WDFY4: variants seen among roughly 807,000 people sequenced by gnomAD.
WDFY4 encodes WD repeat- and FYVE domain-containing protein 4.
WDFY4 carries 169 observed loss-of-function variants against 351.9 expected under a neutral mutation model. That is an observed-to-expected ratio of 0.48 (90% CI 0.42 to 0.55). The LOEUF is 0.55. Ranked by LOEUF, WDFY4 falls within the 20% of genes least tolerant of loss-of-function variation. WDFY4 has a pLI of 0.00. For synonymous variants in WDFY4, 1,622 were observed against 1,574.6 expected, an observed-to-expected ratio of 1.03 and a Z score of -0.71; for missense variants, 3,803 against 3,935.6, an observed-to-expected ratio of 0.97 and a Z score of 0.90.
intron 34 of WDFY4, among the ~76,000 whole-genome samples, chr10:48,821,388 T>A (rs1334547430): frequency 6.6e-6 from 1 of 152,232 alleles, no homozygotes; most frequent in Non-Finnish European, 1.5e-5. Flanking sequence ...ACCCTTGTCA[T>A]GCTGTGCCAC....
chr10:48,867,645 C>G (rs114343143), intron 40 of WDFY4, among the ~76,000 whole-genome samples: 2,460 of 152,288 alleles, frequency 0.016, 69 homozygotes, highest in African/African-American at 0.054. Flanking sequence ...GTCTGAGCCT[C>G]TGTGTGCTCA....
At chr10:48,868,802 A>G (rs1027651879) in intron 40 of WDFY4, among the ~76,000 whole-genome samples, 2 of 152,136 alleles carry the variant, frequency 1.3e-5, no homozygotes, top group Admixed American at 6.5e-5. Flanking sequence ...AGCCTGGGAG[A>G]TACAGTTATG....
intron 13 of WDFY4, among the ~76,000 whole-genome samples, chr10:48,762,583 C>T (rs1008449222): frequency 6.6e-6 from 1 of 152,210 alleles, no homozygotes; most frequent in Non-Finnish European, 1.5e-5. Flanking sequence ...TGGGGTTGAA[C>T]CTCCCAGGAT....
At chr10:48,686,561 G>A (rs893865591) in intron 1 of WDFY4, among the ~76,000 whole-genome samples, 3 of 151,894 alleles carry the variant, frequency 2.0e-5, no homozygotes, top group Non-Finnish European at 2.9e-5. Context: ...TATTTAAATC[G>A]CTATATATGT....
intron 13 of WDFY4, among the ~76,000 whole-genome samples, chr10:48,769,895 T>C (rs1420741348): frequency 6.6e-6 from 1 of 152,260 alleles, no homozygotes; most frequent in Non-Finnish European, 1.5e-5. Context: ...CACTCTGTGC[T>C]AATTTGCCTT....
In WDFY4 at chr10:48,720,025, C is replaced by T. The variant is rs1037398142; in HGVS notation, c.249C>T (p.Ser83=). 1.5e-5 allele frequency: 23 copies of T among 1,551,584 alleles called. No homozygotes were observed. Among genetic ancestry groups the T allele is most frequent in the African/African-American group, 9.6e-5 (7 of 73,036 alleles). ...LPLFLKAWEH[S]VGIICFPSLQ... ...TGTTGCTTCAGGCCTGGGAACACTCCGTGGGGATCATCTGCTTTCCCAGTC... is the reference window on the plus strand; with the variant it reads ...TGTTGCTTCAGGCCTGGGAACACTCTGTGGGGATCATCTGCTTTCCCAGTC... The change falls in exon 3 of 62, where the codon TCC becomes TCT. Residue 83 remains serine (S), a synonymous_variant. Coordinates refer to ENST00000325239, the MANE Select transcript of WDFY4 (RefSeq NM_001394531.1).
rs552674378 is a variant in WDFY4, at chr10:48,818,293, G to A, written c.5505+884G>A. On this transcript the variant is annotated intron_variant, in intron 32 of 61. Transcript: ENST00000325239. Reference sequence around the variant, plus strand: ...GGGGGGTTTATAATCCATGCCAAGTGTGATGCCAGGCCTGGAGTGGTTGCT... The same window carrying A: ...GGGGGGTTTATAATCCATGCCAAGTATGATGCCAGGCCTGGAGTGGTTGCT... 3.3e-5 allele frequency among the ~76,000 whole-genome samples: 5 copies of A among 152,340 alleles called. No homozygotes were observed. The East Asian group carries it at 5.8e-4, about 18-fold the overall frequency.
At chr10:48,689,780 A>G (rs1192302648) in intron 1 of WDFY4, among the ~76,000 whole-genome samples, 1 of 152,244 alleles carries the variant, frequency 6.6e-6, no homozygotes, top group African/African-American at 2.4e-5. Context: ...GAGAAAGAAA[A>G]TATACAAGCT....
At chr10:48,879,512 G>T (rs1173263635) in intron 43 of WDFY4, among the ~76,000 whole-genome samples, 1 of 152,170 alleles carries the variant, frequency 6.6e-6, no homozygotes, top group Non-Finnish European at 1.5e-5. Flanking sequence ...TTCTATCTCT[G>T]CCAGAAGAAA....
chr10:48,813,150 C>A (rs1452197191), intron 30 of WDFY4, among the ~76,000 whole-genome samples: 1 of 152,132 alleles, frequency 6.6e-6, no homozygotes, highest in Non-Finnish European at 1.5e-5. Flanking sequence ...GAAACTATTT[C>A]TTGGTCTCAA....
chr10:48,725,872 A>G lies in WDFY4; in HGVS notation c.592-9A>G, dbSNP rs376624978. The G allele has an allele frequency of 2.0e-6, 3 of 1,533,016 alleles. No homozygotes were observed. The highest frequency in any genetic ancestry group is 2.7e-6 in the Non-Finnish European group (3 of 1,132,020). The allele number at this position is 1,533,016 out of a possible 1,614,324, so 95.0% of individuals were successfully genotyped here. ...GGTCTCCTTGACTGTTTATCTTCTT[A>G]TTTTTCAGATGTTGCTCAATATTTG... On this transcript the variant is annotated splice_polypyrimidine_tract_variant and intron_variant, in intron 5 of 61. Transcript: ENST00000325239.
chr10:48,936,500 A>G (rs1046650957), intron 47 of WDFY4, among the ~76,000 whole-genome samples: 8 of 152,214 alleles, frequency 5.3e-5, no homozygotes. Context: ...AATATACAAG[A>G]TAAATACATT....
rs1397236833 is a variant in WDFY4 at position 48,803,263 on chromosome 10, A to C, written c.4411-23A>C. 3.2e-6 allele frequency: 5 copies of C among 1,550,930 alleles called. No individual in the cohort carries two copies. The East Asian group carries it at 9.8e-5, about 30-fold the overall frequency. On this transcript the variant is annotated intron_variant, in intron 24 of 61. Transcript: ENST00000325239. Reference sequence around the variant, plus strand: ...TCTTCTCCCACACCTTCATTTTAGCATGTGTTTTGTTTTGTCTTCCAGCTC... The same window carrying C: ...TCTTCTCCCACACCTTCATTTTAGCCTGTGTTTTGTTTTGTCTTCCAGCTC...
At chr10:48,981,229 A>G in intron 60 of WDFY4, 138 bp from the exon 61 acceptor site, 1 of 713,610 alleles carries the variant, frequency 1.4e-6, no homozygotes, top group Non-Finnish European at 2.3e-6. Context: ...GATTAAATAT[A>G]TTTCCCCCTC....
rs144614348 is a variant in WDFY4 at position 48,861,001 on chromosome 10, G to C, written c.6664-6264G>C. ...TGTGTTGTCTTGTTGGGTGAAGTTG[G>C]CTACCAATGTGGGTTACTTGAACAT... On this transcript the variant is annotated intron_variant, in intron 39 of 61. Coordinates refer to ENST00000325239, the MANE Select transcript of WDFY4 (RefSeq NM_001394531.1). 4.7e-3 allele frequency among the ~76,000 whole-genome samples: 709 copies of C among 152,080 alleles called. 4 individuals are homozygous for C. The highest frequency in any genetic ancestry group is 0.016 in the African/African-American group (670 of 41,508).
intron 13 of WDFY4, among the ~76,000 whole-genome samples, chr10:48,774,082 T>C (rs1408054618): frequency 6.6e-6 from 1 of 152,224 alleles, no homozygotes; most frequent in Non-Finnish European, 1.5e-5. Context: ...TTATGTGACA[T>C]CTTCAGACTT....
intron 12 of WDFY4, among the ~76,000 whole-genome samples, chr10:48,750,498 T>C (rs996094586): frequency 6.6e-6 from 1 of 152,362 alleles, no homozygotes; most frequent in East Asian, 1.9e-4. Flanking sequence ...TATGCTTTTG[T>C]CTAGGTTTAG....
chr10:48,858,071 G>T (rs548688332), intron 39 of WDFY4, among the ~76,000 whole-genome samples: 1 of 152,302 alleles, frequency 6.6e-6, no homozygotes, highest in South Asian at 2.1e-4. Flanking sequence ...TGAGATTACA[G>T]ATGTGAGCCA....
chr10:48,823,681 A>C, intron 35 of WDFY4: 1 of 1,003,626 alleles, frequency 1.0e-6, no homozygotes, highest in Non-Finnish European at 1.2e-6. Context: ...GAAGCTGCTG[A>C]GCTCCCTATG....
Sources: allele counts gnomAD v4.1 joint callset (sites outside exome capture counted in the v4.1 genomes callset), GRCh38; gene constraint gnomAD v4.1.1; transcripts MANE v1.5; gene names NCBI Gene and HGNC (gene_info 2026-07-23, HGNC 2026-07-21).